Variants in COP1 observed in about 807,000 individuals in gnomAD.
The protein encoded by COP1 is E3 ubiquitin-protein ligase COP1.
COP1 carries 24 observed loss-of-function variants against 101.3 expected under a neutral mutation model. The observed-to-expected ratio is 0.24, with a 90% CI of 0.17 to 0.33. The LOEUF is 0.33. Ranked by LOEUF, COP1 falls within the 10% of genes least tolerant of loss-of-function variation. The pLI is 1.00. For synonymous variants in COP1, 347 were observed against 341.9 expected, an observed-to-expected ratio of 1.01 and a Z score of -0.17; for missense variants, 663 against 906.2, an observed-to-expected ratio of 0.73 and a Z score of 3.45.
intron 6 of COP1, among the ~76,000 whole-genome samples, chr1:176,139,279 CAAAAAAAACAA>C (rs1320395932): frequency 2.4e-5 from 3 of 124,900 alleles, no homozygotes; most frequent in South Asian, 2.4e-4. Context: ...AAAACAAAAA[CAAAAAAAACAA>C]AAAAAAAAAA....
chr1:175,967,874 T>C (rs991085710), intron 18 of COP1, among the ~76,000 whole-genome samples: 1 of 151,414 alleles, frequency 6.6e-6, no homozygotes, highest in Non-Finnish European at 1.5e-5. Flanking sequence ...ATTTCTTTTT[T>C]CTTTTTTTTT....
intron 6 of COP1, among the ~76,000 whole-genome samples, chr1:176,148,553 T>C (rs1000770053): frequency 3.8e-4 from 58 of 152,132 alleles, no homozygotes; most frequent in African/African-American, 1.2e-3. Context: ...TGATACAAAA[T>C]TGCCTTTTAA....
chr1:176,128,759 A>C (rs776513714), intron 8 of COP1, among the ~76,000 whole-genome samples: 1 of 152,000 alleles, frequency 6.6e-6, no homozygotes, highest in Admixed American at 6.6e-5. Flanking sequence ...TGATTATAAA[A>C]ACATTTCATT....
At chr1:176,181,427 C>A (rs1234562559) in intron 2 of COP1, among the ~76,000 whole-genome samples, 20 of 147,126 alleles carry the variant, frequency 1.4e-4, no homozygotes, top group South Asian at 2.1e-4. Context: ...AACAAAACTG[C>A]AAAAAAAAAA....
chr1:176,155,363 A>C (rs894916586), intron 5 of COP1, among the ~76,000 whole-genome samples: 2 of 151,930 alleles, frequency 1.3e-5, no homozygotes, highest in African/African-American at 4.8e-5. Context: ...ATAAATTTAA[A>C]AATCGATGAA....
At chr1:176,015,566 A>T (rs77013499) in intron 15 of COP1, among the ~76,000 whole-genome samples, 6,359 of 152,298 alleles carry the variant, frequency 0.042, 156 homozygotes, top group Non-Finnish European at 0.048. Context: ...CCTCAAGGTT[A>T]TATCTTGATA....
rs757854777 is a variant in COP1, at chr1:176,064,825, T to C, written c.1277+16327A>G. 3.9e-5 allele frequency among the ~76,000 whole-genome samples: 6 copies of C among 151,900 alleles called. No individual in the cohort carries two copies. In the East Asian group the frequency reaches 5.8e-4, roughly 15 times the overall value. ...TTTTTGTAGAGATGGAGTTTCACCA[T>C]GTTGCCCAGACTGGTCTCGAGCTCC... On this transcript the variant is annotated intron_variant, in intron 11 of 19. Transcript: ENST00000367669.
intron 15 of COP1, among the ~76,000 whole-genome samples, chr1:176,001,605 G>GT (rs1418221752): frequency 6.6e-6 from 1 of 152,096 alleles, no homozygotes; most frequent in East Asian, 1.9e-4. Flanking sequence ...GGGCAAATGA[G>GT]TAAAGGGTAA....
intron 8 of COP1, among the ~76,000 whole-genome samples, chr1:176,133,268 GTATA>G (rs199624244): frequency 0.019 from 2,884 of 149,724 alleles, 60 homozygotes; most frequent in Non-Finnish European, 0.03. Flanking sequence ...ATATACGTAC[GTATA>G]TATATACGTA....
chr1:176,025,589 T>C (rs1330418988), intron 15 of COP1, among the ~76,000 whole-genome samples: 1 of 151,560 alleles, frequency 6.6e-6, no homozygotes, highest in East Asian at 1.9e-4. Context: ...TTATGAAATC[T>C]CATTGAAAGA....
chr1:175,945,269 T>G (rs1452305886), intron 19 of COP1, 99 bp from the exon 20 acceptor site: 7 of 842,278 alleles, frequency 8.3e-6, no homozygotes. Context: ...AAAGCAAATT[T>G]AAAAAACGTT....
intron 3 of COP1, among the ~76,000 whole-genome samples, chr1:176,172,733 A>AT (rs1696273701): frequency 1.3e-5 from 2 of 152,178 alleles, no homozygotes; most frequent in South Asian, 4.1e-4. Flanking sequence ...CTTAGAAAAC[A>AT]TTTTTTAGTA....
At chr1:176,188,007 T>C (rs1698685099) in intron 1 of COP1, among the ~76,000 whole-genome samples, 1 of 151,990 alleles carries the variant, frequency 6.6e-6, no homozygotes, top group African/African-American at 2.4e-5. Flanking sequence ...TTTTATCCCC[T>C]CTTCCCTCCA....
At chr1:176,004,011 T>A (rs1244388339) in intron 15 of COP1, among the ~76,000 whole-genome samples, 3 of 148,320 alleles carry the variant, frequency 2.0e-5, no homozygotes, top group African/African-American at 4.9e-5. Flanking sequence ...TTTGTTTGTA[T>A]CCTCTTTTAT....
intron 14 of COP1, among the ~76,000 whole-genome samples, chr1:176,030,435 C>T (rs1668470169): frequency 6.6e-6 from 1 of 152,032 alleles, no homozygotes. Flanking sequence ...CACTAAAAAC[C>T]TTTACAAACA....
chr1:176,060,629 T>C (rs1217892013), intron 11 of COP1, among the ~76,000 whole-genome samples: 1 of 152,314 alleles, frequency 6.6e-6, no homozygotes, highest in Admixed American at 6.5e-5. Context: ...AAGCAACCAA[T>C]AGGATCACAA....
At chr1:175,969,113 C>A (rs1036860713) in intron 18 of COP1, among the ~76,000 whole-genome samples, 2 of 152,140 alleles carry the variant, frequency 1.3e-5, no homozygotes, top group Non-Finnish European at 2.9e-5. Context: ...TTGGGGAATA[C>A]CATGTTAACA....
chr1:175,996,584 A>G (rs1660214191), intron 15 of COP1, among the ~76,000 whole-genome samples: 2 of 151,790 alleles, frequency 1.3e-5, no homozygotes, highest in South Asian at 2.1e-4. Flanking sequence ...AAAAATCACA[A>G]GCATTCTTAT....
intron 11 of COP1, among the ~76,000 whole-genome samples, chr1:176,058,138 G>GGC (rs1245869511): frequency 7.1e-5 from 10 of 140,422 alleles, no homozygotes; most frequent in Non-Finnish European, 1.6e-4. Context: ...GGTGGGGTGG[G>GGC]GGGGGGGTCA....
Sources: allele counts gnomAD v4.1 joint callset (sites outside exome capture counted in the v4.1 genomes callset), GRCh38; gene constraint gnomAD v4.1.1; transcripts MANE v1.5; gene names NCBI Gene and HGNC (gene_info 2026-07-23, HGNC 2026-07-21).